The following FHIT variants were observed in gnomAD, a reference collection of about 807,000 sequenced individuals.
FHIT encodes bis(5'-adenosyl)-triphosphatase.
Under a neutral mutation model 17.9 loss-of-function variants are expected in FHIT, and 19 were observed. That is an observed-to-expected ratio of 1.06 (90% CI 0.74 to 1.56). The LOEUF (loss-of-function observed/expected upper bound fraction) is 1.56. Among genes scored for constraint, FHIT ranks in the 40% most tolerant of loss-of-function variants. The pLI is 0.00. For missense variants in FHIT, 248 were observed against 189.2 expected (o/e 1.31, Z -1.82); for synonymous variants, 81 against 69.7 (o/e 1.16, Z -0.81).
intron 4 of FHIT, among the ~76,000 whole-genome samples, chr3:60,683,080 T>G (rs2107866516): frequency 6.6e-6 from 1 of 152,288 alleles, no homozygotes; most frequent in African/African-American, 2.4e-5. Flanking sequence ...ACAATAAAAC[T>G]TGAATGAGTG....
chr3:60,403,592 C>A (rs12637099), intron 5 of FHIT, among the ~76,000 whole-genome samples: 30,758 of 152,064 alleles, frequency 0.2, 3,875 homozygotes, highest in East Asian at 0.46. Flanking sequence ...ATCTGACCTA[C>A]CTTGCTTAAT....
At chr3:61,248,939 T>C (rs1339575089) in intron 1 of FHIT, among the ~76,000 whole-genome samples, 1 of 152,268 alleles carries the variant, frequency 6.6e-6, no homozygotes, top group East Asian at 1.9e-4. Context: ...AGATTATTTA[T>C]AAGGTCCTTC....
intron 4 of FHIT, among the ~76,000 whole-genome samples, chr3:60,594,674 G>T (rs116239022): frequency 1.5e-3 from 223 of 152,032 alleles, no homozygotes; most frequent in African/African-American, 5.1e-3. Flanking sequence ...TTCCTTTTGA[G>T]TCTTCACCAG....
At chr3:60,686,210 A>C (rs1553698392) in intron 4 of FHIT, among the ~76,000 whole-genome samples, 2 of 152,090 alleles carry the variant, frequency 1.3e-5, no homozygotes, top group African/African-American at 4.8e-5. Context: ...AGTTTCATGT[A>C]TATAGTGTGT....
At chr3:61,066,999 C>T (rs1011992151) in intron 2 of FHIT, among the ~76,000 whole-genome samples, 6 of 152,170 alleles carry the variant, frequency 3.9e-5, no homozygotes, top group African/African-American at 1.2e-4. Context: ...GTTACTTCCC[C>T]GGCTATGCTT....
Position 60,040,204 on chromosome 3 carries a change from G to C in FHIT, c.104-26052C>G, listed in dbSNP as rs554277466. 2.2e-4 allele frequency among the ~76,000 whole-genome samples: 33 copies of C among 152,060 alleles called. No individual in the cohort carries two copies. In the South Asian group the frequency reaches 6.7e-3, roughly 31 times the overall value. ...CTCTGTCTCCAGGCTGGAGTACAAT[G>C]ATGTGATCTCGGCTCACTGCAACCT... On this transcript the variant is annotated intron_variant, in intron 5 of 9. Coordinates refer to ENST00000492590, the MANE Select transcript of FHIT (RefSeq NM_002012.4).
At chr3:60,846,175 A>G (rs1481220483) in intron 3 of FHIT, among the ~76,000 whole-genome samples, 1 of 152,186 alleles carries the variant, frequency 6.6e-6, no homozygotes, top group Non-Finnish European at 1.5e-5. Flanking sequence ...AGCATGCCCT[A>G]TTCTTAAGGC....
intron 5 of FHIT, among the ~76,000 whole-genome samples, chr3:60,336,493 G>C (rs948620825): frequency 6.6e-6 from 1 of 152,122 alleles, no homozygotes; most frequent in African/African-American, 2.4e-5. Flanking sequence ...ATAGTTTAAA[G>C]TTCCCTTATA....
At chr3:60,949,913 T>G (rs1708803653) in intron 3 of FHIT, among the ~76,000 whole-genome samples, 2 of 152,168 alleles carry the variant, frequency 1.3e-5, no homozygotes, top group Admixed American at 1.3e-4. Flanking sequence ...CTGTTCAAAT[T>G]AATTATGGTA....
chr3:61,143,932 C>A (rs2037157604), intron 2 of FHIT, among the ~76,000 whole-genome samples: 1 of 152,126 alleles, frequency 6.6e-6, no homozygotes, highest in Non-Finnish European at 1.5e-5. Context: ...AAATTGCATT[C>A]TTTTGTCTCT....
At chr3:61,164,704 G>A (rs1325546855) in intron 2 of FHIT, among the ~76,000 whole-genome samples, 2 of 151,904 alleles carry the variant, frequency 1.3e-5, no homozygotes, top group African/African-American at 4.8e-5. Context: ...TGAGTATATT[G>A]TATGATGCTG....
chr3:60,004,316 G>C (rs113220384), intron 7 of FHIT, among the ~76,000 whole-genome samples: 1 of 152,064 alleles, frequency 6.6e-6, no homozygotes. Context: ...ATTACAAATA[G>C]CAAAATAAAT....
chr3:60,062,188 G>A (rs1025748017), intron 5 of FHIT, among the ~76,000 whole-genome samples: 2 of 152,136 alleles, frequency 1.3e-5, no homozygotes, highest in African/African-American at 2.4e-5. Context: ...AGTACCTAAT[G>A]TGTGCTCAAC....
At chr3:60,469,420 T>C (rs1052453250) in intron 5 of FHIT, among the ~76,000 whole-genome samples, 3 of 152,210 alleles carry the variant, frequency 2.0e-5, no homozygotes, top group African/African-American at 7.2e-5. Context: ...TTTGTTTTGC[T>C]TATTTCTGCT....
intron 8 of FHIT, among the ~76,000 whole-genome samples, chr3:59,865,931 T>G (rs1702628212): frequency 6.6e-6 from 1 of 152,184 alleles, no homozygotes; most frequent in Non-Finnish European, 1.5e-5. Context: ...CCATCCTCAC[T>G]GCATCCAGAG....
intron 4 of FHIT, among the ~76,000 whole-genome samples, chr3:60,558,581 C>A (rs2036823617): frequency 6.6e-6 from 1 of 151,942 alleles, no homozygotes; most frequent in Non-Finnish European, 1.5e-5. Context: ...GAACATTTTT[C>A]CCCACTAAAT....
At chr3:60,253,070 G>A (rs1013215614) in intron 5 of FHIT, among the ~76,000 whole-genome samples, 9 of 152,010 alleles carry the variant, frequency 5.9e-5, no homozygotes, top group South Asian at 2.1e-4. Flanking sequence ...GCCTCATCGA[G>A]TTTCTACTGT....
chr3:59,992,495 A>G (rs1460419993), intron 7 of FHIT, among the ~76,000 whole-genome samples: 3 of 152,114 alleles, frequency 2.0e-5, no homozygotes, highest in African/African-American at 7.2e-5. Context: ...GCGTATACCA[A>G]CAACACATCA....
At chr3:60,145,094 A>G (rs1055795472) in intron 5 of FHIT, among the ~76,000 whole-genome samples, 1 of 152,154 alleles carries the variant, frequency 6.6e-6, no homozygotes, top group African/African-American at 2.4e-5. Context: ...CCCTTCAACT[A>G]ACTCTCAACC....
Sources: gnomAD v4.1 joint callset for allele counts (sites outside exome capture counted in the v4.1 genomes callset) on GRCh38, gnomAD v4.1.1 for gene constraint, MANE v1.5 for transcripts, NCBI Gene and HGNC (gene_info 2026-07-23, HGNC 2026-07-21) for gene names.